Variants in CCDC144A observed in about 807,000 individuals in gnomAD.
CCDC144A encodes coiled-coil domain-containing protein 144A.
Under a neutral mutation model 143.8 loss-of-function variants are expected in CCDC144A, and 41 were observed. The ratio of observed to expected loss-of-function variants is 0.29; its 90% CI spans 0.22 to 0.37. CCDC144A has a LOEUF of 0.37. Among genes scored for constraint, CCDC144A ranks in the 10% least tolerant of loss-of-function variants. CCDC144A has a pLI of 1.00. For missense variants in CCDC144A, 637 were observed against 1,488.8 expected (o/e 0.43, Z 9.41); for synonymous variants, 242 against 517.9 (o/e 0.47, Z 7.23).
chr17:16,683,429 A>T, the CCDC144A span: 1 of 1,068,702 alleles, frequency 9.4e-7, no homozygotes, highest in Non-Finnish European at 1.4e-6. Context: ...TGGTGCCGGG[A>T]GTGAGCGATG....
intron 2 of CCDC144A, among the ~76,000 whole-genome samples, chr17:16,697,740 C>A (rs935290363): frequency 3.3e-5 from 5 of 152,058 alleles, no homozygotes; most frequent in Admixed American, 3.3e-4. Flanking sequence ...CTTAAGAGCC[C>A]ATGTTTAACT....
chr17:16,744,815 C>G (rs913017225), intron 12 of CCDC144A, among the ~76,000 whole-genome samples: 17 of 151,926 alleles, frequency 1.1e-4, no homozygotes, highest in African/African-American at 4.1e-4. Flanking sequence ...AGCAATTTCA[C>G]TGAAAGGAAG....
rs760780181 is a variant in CCDC144A, at chr17:16,709,171, A to T, written c.1114A>T (p.Ile372Phe). 1 of 1,611,748 alleles carries T rather than the reference A, an allele frequency of 6.2e-7. No individual in the cohort carries two copies. The highest frequency in any genetic ancestry group is 8.5e-7 in the Non-Finnish European group (1 of 1,179,660). Residue 372 changes from isoleucine to phenylalanine, a missense_variant, in exon 5 of 17, where the codon ATC becomes TTC. Physicochemically the swap from Ile to Phe is conservative, Grantham distance 21. Coordinates refer to ENST00000399273, the MANE Select transcript of CCDC144A (RefSeq NM_001382000.1). ...ACAAAAAGAACCCAGTCTCAAAAATATCATCCATCCATACTATCATCCATA... is the reference window on the plus strand; with the variant it reads ...ACAAAAAGAACCCAGTCTCAAAAATTTCATCCATCCATACTATCATCCATA... ...PEQKEPSLKN[I>F]IHPYYHPYSG...
chr17:16,759,550 G>A lies in CCDC144A; in HGVS notation c.3373-1875G>A, dbSNP rs1915261483. Among the ~76,000 whole-genome samples the A allele has an allele frequency of 4.0e-5, 6 of 151,306 alleles. No homozygotes were observed. In the South Asian group the frequency reaches 6.3e-4, roughly 16 times the overall value. ...CTCTTGCATTGGTTTTACTTTCAGCGGCTGTGTAGTAACAGTGCCCTTTCC... is the reference window on the plus strand; with the variant it reads ...CTCTTGCATTGGTTTTACTTTCAGCAGCTGTGTAGTAACAGTGCCCTTTCC... On this transcript the variant is annotated intron_variant, in intron 12 of 16. Transcript: ENST00000399273.
At chr17:16,712,600 TATATG>T (rs1912518131) in intron 6 of CCDC144A, among the ~76,000 whole-genome samples, 1 of 152,046 alleles carries the variant, frequency 6.6e-6, no homozygotes, top group Non-Finnish European at 1.5e-5. Flanking sequence ...ATGTTAAGTA[TATATG>T]ATATATTTAT....
chr17:16,734,863 A>G lies in CCDC144A; in HGVS notation c.2592A>G (p.Gln864=), dbSNP rs756680821. ...EAVKEKNDNL[Q]KIIKLNEETL... Reference sequence around the variant, plus strand: ...TGAAAGAAAAGAATGATAACCTTCAAAAAATTATAAAACTAAATGAGGAAA... The same window carrying G: ...TGAAAGAAAAGAATGATAACCTTCAGAAAATTATAAAACTAAATGAGGAAA... The change falls in exon 12 of 17, where the codon CAA becomes CAG. Residue 864 remains glutamine, a synonymous_variant. Transcript: ENST00000399273. 1 of 1,566,696 alleles carries G rather than the reference A, an allele frequency of 6.4e-7. No individual in the cohort carries two copies.
the CCDC144A span, among the ~76,000 whole-genome samples, chr17:16,667,599 C>A: frequency 2.0e-5 from 3 of 152,004 alleles, no homozygotes; most frequent in African/African-American, 7.3e-5. Context: ...CTTGTTTTCT[C>A]ACTGTGAACC....
chr17:16,672,887 T>A, the CCDC144A span, among the ~76,000 whole-genome samples: 4 of 152,126 alleles, frequency 2.6e-5, no homozygotes, highest in African/African-American at 9.6e-5. Flanking sequence ...CCTAGAAGGA[T>A]GCTTTTGCTT....
At chr17:16,763,922 A>G (rs1915485068) in intron 14 of CCDC144A, 43 bp from the exon 15 acceptor site, 2 of 1,566,286 alleles carry the variant, frequency 1.3e-6, no homozygotes, top group African/African-American at 1.4e-5. Context: ...ATCATTTAGG[A>G]AAAAATGAAA....
intron 5 of CCDC144A, among the ~76,000 whole-genome samples, chr17:16,711,331 G>A (rs1423276728): frequency 6.6e-6 from 1 of 151,768 alleles, no homozygotes; most frequent in Admixed American, 6.6e-5. Flanking sequence ...TTCCATGTTT[G>A]TGCCAGTCAA....
At chr17:16,766,755 A>C (rs933318578) in intron 15 of CCDC144A, among the ~76,000 whole-genome samples, 1 of 152,198 alleles carries the variant, frequency 6.6e-6, no homozygotes, top group Non-Finnish European at 1.5e-5. Flanking sequence ...TGGGGGAAAA[A>C]AAATAAATAA....
the CCDC144A span, among the ~76,000 whole-genome samples, chr17:16,682,885 T>G: frequency 8.4e-5 from 4 of 47,668 alleles, no homozygotes; most frequent in Non-Finnish European, 1.4e-4. Context: ...GATTCTCTGT[T>G]TTTTTTTTTT....
chr17:16,673,991 G>T, the CCDC144A span, among the ~76,000 whole-genome samples: 1 of 151,784 alleles, frequency 6.6e-6, no homozygotes, highest in Admixed American at 6.6e-5. Context: ...TTTTTTTAAC[G>T]TTAGAAGAAA....
chr17:16,684,229 G>A, the CCDC144A span: 3 of 904,052 alleles, frequency 3.3e-6, no homozygotes, highest in Admixed American at 1.7e-5. Context: ...ACATTCAGTG[G>A]GCGAGTATCT....
chr17:16,753,428 G>GTTTTTTTTTTTT lies in CCDC144A; in HGVS notation c.3373-7980_3373-7969dup. Among the ~76,000 whole-genome samples, 43 of 57,366 alleles carry GTTTTTTTTTTTT rather than the reference G, an allele frequency of 7.5e-4. 1 individual carries two copies. Among genetic ancestry groups the GTTTTTTTTTTTT allele is most frequent in the East Asian group, 2.5e-3 (3 of 1,202 alleles). The allele number at this position is 57,366 out of a possible 152,430, so 37.6% of individuals were successfully genotyped here. On this transcript the variant is annotated intron_variant, in intron 12 of 16. Transcript: ENST00000399273. ...CAATTTCTTTTGTCAGTGTTTTGTA[G>GTTTTTTTTTTTT]TTTTTTTTTTTTTTTTTTTTTTTTT...
chr17:16,688,484 G>GTTTTTTTT (rs66493875), upstream of CCDC144A, among the ~76,000 whole-genome samples: 87 of 71,614 alleles, frequency 1.2e-3, 4 homozygotes, highest in African/African-American at 4.3e-3. Context: ...TTCTTTTTCT[G>GTTTTTTTT]TTTTTTTTTT....
chr17:16,754,528 A>T (rs1914980493), intron 12 of CCDC144A, among the ~76,000 whole-genome samples: 1 of 152,092 alleles, frequency 6.6e-6, no homozygotes, highest in South Asian at 2.1e-4. Flanking sequence ...TTCATTCAGG[A>T]GCATGCTGTT....
At chr17:16,688,611 C>T (rs1258998925), upstream of CCDC144A, among the ~76,000 whole-genome samples, 2 of 150,566 alleles carry the variant, frequency 1.3e-5, no homozygotes, top group Non-Finnish European at 2.9e-5. Flanking sequence ...GTCTCAGCCT[C>T]CCGAGTAGCT....
chr17:16,670,827 G>T, the CCDC144A span, among the ~76,000 whole-genome samples: 2 of 151,922 alleles, frequency 1.3e-5, no homozygotes, highest in African/African-American at 4.8e-5. Flanking sequence ...TTTTAAATTA[G>T]GCAACTGAAG....
Sources: gnomAD v4.1 joint callset for allele counts (sites outside exome capture counted in the v4.1 genomes callset) on GRCh38, gnomAD v4.1.1 for gene constraint, MANE v1.5 for transcripts, NCBI Gene and HGNC (gene_info 2026-07-23, HGNC 2026-07-21) for gene names.